The following SHE variants were observed in gnomAD, a reference collection of about 807,000 sequenced individuals.
SHE encodes SH2 domain-containing adapter protein E.
Under a neutral mutation model 49.8 loss-of-function variants are expected in SHE, and 11 were observed. The ratio of observed to expected loss-of-function variants is 0.22; its 90% CI spans 0.14 to 0.37. The LOEUF (loss-of-function observed/expected upper bound fraction) is 0.37. SHE is among the 10% of genes least tolerant of loss of function. SHE has a pLI of 1.00. For missense variants in SHE, 624 were observed against 655.5 expected, an observed-to-expected ratio of 0.95 and a Z score of 0.52; for synonymous variants, 310 against 278.1, an observed-to-expected ratio of 1.11 and a Z score of -1.14.
In SHE at chr1:154,481,079, A is replaced by G; in HGVS notation, c.*3070T>C. 1.0e-6 allele frequency: 1 copy of G among 985,452 alleles called. No homozygotes were observed. Among genetic ancestry groups the G allele is most frequent in the Non-Finnish European group, 1.2e-6 (1 of 829,930 alleles). 61.0% of individuals were successfully genotyped at this position (985,452 alleles called of 1,614,324 possible). Reference sequence around the variant, plus strand: ...AGGAAAATACTTGTCTCAAGACAAAATGACAAAAAGCCAGAGCATTCAGAG... The same window carrying G: ...AGGAAAATACTTGTCTCAAGACAAAGTGACAAAAAGCCAGAGCATTCAGAG... On this transcript the variant is annotated 3_prime_UTR_variant, in exon 6 of 6. Coordinates refer to ENST00000304760, the MANE Select transcript of SHE (RefSeq NM_001010846.3).
Position 154,470,001 on chromosome 1 carries a change from G to T in SHE, c.*340C>A, listed in dbSNP as rs184404374. ...GTGTAAACAGTTCAGGGATGGGGAG[G>T]CGAGAACTGCAGGGAAGCCTGGAAA... is the stretch of plus-strand genomic sequence containing the variant. On this transcript the variant is annotated 3_prime_UTR_variant, in exon 2 of 2. Coordinates refer to the SHE transcript ENST00000486773. 601 of 290,426 alleles carry T rather than the reference G, an allele frequency of 2.1e-3. 4 individuals are homozygous for T. Among genetic ancestry groups the T allele is most frequent in the African/African-American group, 0.012 (556 of 45,492 alleles). 18.0% of individuals were successfully genotyped at this position (290,426 alleles called of 1,614,324 possible).
chr1:154,470,837 C>T (rs1459784720), intron 1 of SHE, among the ~76,000 whole-genome samples: 1 of 151,816 alleles, frequency 6.6e-6, no homozygotes, highest in Non-Finnish European at 1.5e-5. Context: ...CAGACTCTGT[C>T]TCAAAAATAA....
chr1:154,482,164 C>A lies in SHE; in HGVS notation c.*1985G>T, dbSNP rs1429797934. 1 of 246,526 alleles carries A rather than the reference C, an allele frequency of 4.1e-6. No homozygotes were observed. The highest frequency in any genetic ancestry group is 6.5e-6 in the Non-Finnish European group (1 of 154,816). The allele number at this position is 246,526 out of a possible 1,614,324, so 15.3% of individuals were successfully genotyped here. On this transcript the variant is annotated 3_prime_UTR_variant, in exon 6 of 6. Transcript: ENST00000304760. ...AAGCAGCTGGAACTACAGGTGCCCG[C>A]CACCGTGCCCAGCTAATTTTTGTAT...
chr1:154,481,498 C>G lies in SHE; in HGVS notation c.*2651G>C. 2.0e-6 allele frequency: 2 copies of G among 985,402 alleles called. No homozygotes were observed. The highest frequency in any genetic ancestry group is 2.4e-6 in the Non-Finnish European group (2 of 829,928). The allele number at this position is 985,402 out of a possible 1,614,324, so 61.0% of individuals were successfully genotyped here. Reference sequence around the variant, plus strand: ...GAAGCTCAATAAATACTTAATGTATCTGGCCTGTTTTCAAGATGTTATTTC... The same window carrying G: ...GAAGCTCAATAAATACTTAATGTATGTGGCCTGTTTTCAAGATGTTATTTC... On this transcript the variant is annotated 3_prime_UTR_variant, in exon 6 of 6. Transcript: ENST00000304760.
chr1:154,496,023 C>A (rs746232212), intron 2 of SHE, among the ~76,000 whole-genome samples: 10 of 152,064 alleles, frequency 6.6e-5, no homozygotes, highest in Non-Finnish European at 1.2e-4. Flanking sequence ...ACACAAGGAG[C>A]AAACTGAATA....
At chr1:154,476,239 G>A (rs1354101780), downstream of SHE, among the ~76,000 whole-genome samples, 1 of 152,100 alleles carries the variant, frequency 6.6e-6, no homozygotes, top group Non-Finnish European at 1.5e-5. Flanking sequence ...CCAGCCACTT[G>A]GGAAGTTGAG....
chr1:154,499,989 C>T (rs1692655415), intron 1 of SHE, among the ~76,000 whole-genome samples: 1 of 152,114 alleles, frequency 6.6e-6, no homozygotes, highest in Non-Finnish European at 1.5e-5. Flanking sequence ...GGGTAGGGGA[C>T]CCTTCTCAGG....
rs570268392 is a variant in SHE at position 154,482,044 on chromosome 1, G to C, written c.*2105C>G. 1 of 138,156 alleles carries C rather than the reference G, an allele frequency of 7.2e-6. No homozygotes were observed. Among genetic ancestry groups the C allele is most frequent in the Non-Finnish European group, 1.4e-5 (1 of 69,234 alleles). The allele number at this position is 138,156 out of a possible 1,614,324, so 8.6% of individuals were successfully genotyped here. A position where few individuals can be genotyped will look rare whatever the true frequency, so the allele number is the denominator to read the frequency against. ...TTTTTTTTTTTTGAGATGGAGTTTC[G>C]CTCTTGTCACCCAGGATGGAGTGCA... On this transcript the variant is annotated 3_prime_UTR_variant, in exon 6 of 6. Coordinates refer to ENST00000304760, the MANE Select transcript of SHE (RefSeq NM_001010846.3).
intron 3 of SHE, among the ~76,000 whole-genome samples, chr1:154,487,556 C>A (rs140778389): frequency 2.2e-4 from 33 of 151,848 alleles, no homozygotes; most frequent in African/African-American, 7.7e-4. Context: ...TCAAATCAAA[C>A]GAAACTGACT....
In SHE at chr1:154,483,029, T is replaced by G. The variant is rs1692063313; in HGVS notation, c.*1120A>C. ...TCGAAGTTCTATGTAATTAATTCAG[T>G]AAAAAAACAGTTGTGGAGCTTTGCA... On this transcript the variant is annotated 3_prime_UTR_variant, in exon 6 of 6. Transcript: ENST00000304760. 5 of 984,638 alleles carry G rather than the reference T, an allele frequency of 5.1e-6. 1 individual carries two copies. The South Asian group carries it at 2.4e-4, about 46-fold the overall frequency. 61.0% of individuals were successfully genotyped at this position (984,638 alleles called of 1,614,324 possible). A position where few individuals can be genotyped will look rare whatever the true frequency, so the allele number is the denominator to read the frequency against.
In SHE at chr1:154,489,255, C is replaced by A; in HGVS notation, c.820G>T (p.Ala274Ser). Residue 274 changes from alanine (A) to serine (S), a missense_variant, in exon 3 of 6, where the codon GCC becomes TCC. Ala to Ser is a moderately conservative substitution (Grantham distance 99, BLOSUM62 1). This residue lies in a region of SHE where 155 missense variants were observed against 142.0 expected (regional missense o/e 1.09). Coordinates refer to ENST00000304760, the MANE Select transcript of SHE (RefSeq NM_001010846.3). ...ADGGLKSETL[A>S]KRRSSKDLLG... is the part of the protein sequence containing the mutation. ...AGGTCCTTGGAACTCCGTCTTTTGG[C>A]CAAGGTCTCTGATTTCAGGCCACCG... 6.2e-7 allele frequency: 1 copy of A among 1,614,200 alleles called. No individual in the cohort carries two copies. Among genetic ancestry groups the A allele is most frequent in the South Asian group, 1.1e-5 (1 of 91,082 alleles).
intron 1 of SHE, among the ~76,000 whole-genome samples, chr1:154,499,857 G>A (rs1030347165): frequency 6.6e-6 from 1 of 152,134 alleles, no homozygotes; most frequent in Non-Finnish European, 1.5e-5. Context: ...ACAGGCTACA[G>A]ACCAGATAGG....
At position 154,485,933 on chromosome 1, in the gene SHE, GCTTA is replaced by G; in HGVS notation, c.1301+6_1301+9del. On this transcript the variant is annotated splice_donor_region_variant and intron_variant, in intron 5 of 5. Transcript: ENST00000304760. ...CCTTGGAGATGAGGAAAGCCATGGGGCTTACTTACTTTAGGGCAATGGAGTACCT... is the reference window on the plus strand; with the variant it reads ...CCTTGGAGATGAGGAAAGCCATGGGGCTTACTTTAGGGCAATGGAGTACCT... The G allele has an allele frequency of 6.2e-7, 1 of 1,612,600 alleles. No individual in the cohort carries two copies. Among genetic ancestry groups the G allele is most frequent in the Non-Finnish European group, 8.5e-7 (1 of 1,178,702 alleles).
intron 2 of SHE, among the ~76,000 whole-genome samples, chr1:154,492,207 G>C (rs991138941): frequency 1.3e-5 from 2 of 152,134 alleles, no homozygotes; most frequent in African/African-American, 4.8e-5. Flanking sequence ...TCTGTGCAGG[G>C]ACAGCTCATT....
chr1:154,494,748 A>G (rs1213484931), intron 2 of SHE, among the ~76,000 whole-genome samples: 4 of 152,344 alleles, frequency 2.6e-5, no homozygotes, highest in African/African-American at 9.6e-5. Context: ...AGGTTTCCTC[A>G]ACTGTATAAA....
chr1:154,501,299 T>A, intron 1 of SHE, 137 bp downstream of exon 1: 1 of 785,394 alleles, frequency 1.3e-6, no homozygotes. Flanking sequence ...GGTCAGGAAT[T>A]CCCAAATGGT....
At chr1:154,496,300 T>G (rs1692528863) in intron 2 of SHE, among the ~76,000 whole-genome samples, 1 of 152,248 alleles carries the variant, frequency 6.6e-6, no homozygotes, top group Non-Finnish European at 1.5e-5. Context: ...ATTTGGATTT[T>G]TAATAAATTT....
At position 154,481,207 on chromosome 1, in the gene SHE, G is replaced by A. The variant is rs1571041893; in HGVS notation, c.*2942C>T. 2.0e-6 allele frequency: 2 copies of A among 985,392 alleles called. No homozygotes were observed. The allele number at this position is 985,392 out of a possible 1,614,324, so 61.0% of individuals were successfully genotyped here. ...GGGCCTAATTGTTTTTAGAACATATGGAACTTTGTGCCACCACACAGCTGT... is the reference window on the plus strand; with the variant it reads ...GGGCCTAATTGTTTTTAGAACATATAGAACTTTGTGCCACCACACAGCTGT... On this transcript the variant is annotated 3_prime_UTR_variant, in exon 6 of 6. Coordinates refer to ENST00000304760, the MANE Select transcript of SHE (RefSeq NM_001010846.3).
rs1472651963 is a variant in SHE, at chr1:154,482,344, C to A, written c.*1805G>T. 1.2e-5 allele frequency: 12 copies of A among 985,134 alleles called. No homozygotes were observed. Among genetic ancestry groups the A allele is most frequent in the African/African-American group, 1.7e-5 (1 of 57,178 alleles). 61.0% of individuals were successfully genotyped at this position (985,134 alleles called of 1,614,324 possible). ...TCTTTATTAATAAAATCATTGTGTT[C>A]CAGTGAGGAAAAGTTCCTCTTAAAT... On this transcript the variant is annotated 3_prime_UTR_variant, in exon 6 of 6. Transcript: ENST00000304760.
Sources: gnomAD v4.1 joint callset for allele counts (sites outside exome capture counted in the v4.1 genomes callset) on GRCh38, gnomAD v4.1.1 for gene constraint, gnomAD v4.1.1 regional missense constraint, MANE v1.5 for transcripts, NCBI Gene and HGNC (gene_info 2026-07-23, HGNC 2026-07-21) for gene names.